SEM1: variants seen among roughly 807,000 people sequenced by gnomAD.
SEM1 encodes the protein SEM1 26S proteasome subunit.
Under a neutral mutation model 12.7 loss-of-function variants are expected in SEM1, and 3 were observed. The ratio of observed to expected loss-of-function variants is 0.24; its 90% confidence interval spans 0.11 to 0.61. The LOEUF (loss-of-function observed/expected upper bound fraction) is 0.61. Among genes scored for constraint, SEM1 ranks in the 20% least tolerant of loss-of-function variants. The pLI, the probability that SEM1 is intolerant of heterozygous loss-of-function variation, is 0.88. For synonymous variants in SEM1, 30 were observed against 27.8 expected, an observed-to-expected ratio of 1.08 and a Z score of -0.25; for missense variants, 59 against 81.3, an observed-to-expected ratio of 0.73 and a Z score of 1.06.
chr7:96,487,625 T>G (rs1333434093), intron 1 of SEM1, among the ~76,000 whole-genome samples: 1 of 149,890 alleles, frequency 6.7e-6, no homozygotes, highest in Non-Finnish European at 1.5e-5. Flanking sequence ...CATTTGACAG[T>G]AAAGGAACTA....
At chr7:96,571,568 A>G (rs768390253) in intron 2 of SEM1, among the ~76,000 whole-genome samples, 1 of 150,804 alleles carries the variant, frequency 6.6e-6, no homozygotes, top group Non-Finnish European at 1.5e-5. Context: ...ATATATATGT[A>G]TATATATACA....
intron 1 of SEM1, 134 bp from the exon 2 acceptor site, chr7:96,695,025 T>C (rs1183170536): frequency 3.3e-6 from 2 of 597,806 alleles, no homozygotes; most frequent in Non-Finnish European, 5.8e-6. Flanking sequence ...AAATGGTATC[T>C]TCCTTAAATC....
At chr7:96,573,240 A>G (rs1406732515) in intron 2 of SEM1, among the ~76,000 whole-genome samples, 2 of 151,682 alleles carry the variant, frequency 1.3e-5, no homozygotes, top group Admixed American at 6.6e-5. Flanking sequence ...ACTCTATCCC[A>G]TTTGCCAGTC....
At chr7:96,584,068 G>A (rs1288155924) in intron 2 of SEM1, among the ~76,000 whole-genome samples, 2 of 152,050 alleles carry the variant, frequency 1.3e-5, no homozygotes, top group African/African-American at 4.8e-5. Flanking sequence ...AGTCTCGATG[G>A]CCTTTACATT....
chr7:96,580,392 C>T (rs1806354723), intron 2 of SEM1, among the ~76,000 whole-genome samples: 7 of 150,530 alleles, frequency 4.7e-5, no homozygotes. Flanking sequence ...GGGTTGGTTC[C>T]AAGTCTTTGC....
At chr7:96,611,085 C>T (rs1563082342) in intron 2 of SEM1, among the ~76,000 whole-genome samples, 2 of 152,142 alleles carry the variant, frequency 1.3e-5, no homozygotes, top group Non-Finnish European at 1.5e-5. Flanking sequence ...AGCTTTGTTA[C>T]AAACCATCAT....
chr7:96,622,656 G>C (rs1280673006), intron 2 of SEM1: 2 of 763,884 alleles, frequency 2.6e-6, no homozygotes, highest in East Asian at 4.9e-5. Context: ...GGAAAAATTA[G>C]AAAGTAGGTG....
chr7:96,654,817 A>G (rs1809125913), intron 2 of SEM1, among the ~76,000 whole-genome samples: 1 of 152,164 alleles, frequency 6.6e-6, no homozygotes, highest in African/African-American at 2.4e-5. Flanking sequence ...CCGCCAACTC[A>G]AGGCTCATGA....
intron 2 of SEM1, among the ~76,000 whole-genome samples, chr7:96,662,235 C>A (rs1207309926): frequency 1.3e-5 from 2 of 152,152 alleles, no homozygotes; most frequent in African/African-American, 4.8e-5. Context: ...ATGTTCACTG[C>A]AGCACTATTT....
At chr7:96,627,278 T>C (rs1428997801) in intron 2 of SEM1, among the ~76,000 whole-genome samples, 1 of 152,022 alleles carries the variant, frequency 6.6e-6, no homozygotes, top group Non-Finnish European at 1.5e-5. Context: ...CTCTGATCTT[T>C]ATTATTCCTT....
chr7:96,572,675 A>C (rs190101302), intron 2 of SEM1, among the ~76,000 whole-genome samples: 1 of 152,060 alleles, frequency 6.6e-6, no homozygotes, highest in East Asian at 1.9e-4. Flanking sequence ...ATTATTTTGC[A>C]TTTGCTGAGA....
downstream of SEM1, among the ~76,000 whole-genome samples, chr7:96,685,180 G>C (rs1563112247): frequency 6.6e-6 from 1 of 152,066 alleles, no homozygotes; most frequent in Non-Finnish European, 1.5e-5. Context: ...TTTCAAAAGG[G>C]ACTTGGCTCA....
At chr7:96,675,341 C>T (rs879756736) in intron 2 of SEM1, among the ~76,000 whole-genome samples, 2 of 152,084 alleles carry the variant, frequency 1.3e-5, no homozygotes, top group African/African-American at 2.4e-5. Context: ...CCATCAGTTT[C>T]GCCGTCACTT....
At chr7:96,584,457 C>A (rs983728212) in intron 2 of SEM1, among the ~76,000 whole-genome samples, 14 of 152,032 alleles carry the variant, frequency 9.2e-5, no homozygotes, top group African/African-American at 3.4e-4. Context: ...TGGAGTTGCT[C>A]TTCTCGAGGA....
intron 1 of SEM1, among the ~76,000 whole-genome samples, chr7:96,487,296 T>G (rs929476794): frequency 1.3e-5 from 2 of 150,056 alleles, no homozygotes; most frequent in Non-Finnish European, 2.9e-5. Context: ...TAAATATTAG[T>G]AACAATGCCA....
chr7:96,545,430 C>A (rs996624823), intron 2 of SEM1, among the ~76,000 whole-genome samples: 1 of 151,794 alleles, frequency 6.6e-6, no homozygotes, highest in African/African-American at 2.4e-5. Flanking sequence ...TAAAACTCAA[C>A]AACTTGCTAA....
At chr7:96,567,145 T>C (rs1324675505) in intron 2 of SEM1, among the ~76,000 whole-genome samples, 1 of 151,650 alleles carries the variant, frequency 6.6e-6, no homozygotes, top group Non-Finnish European at 1.5e-5. Context: ...AATTAATGTA[T>C]AGGTAAATAC....
chr7:96,541,509 G>A (rs767980768), intron 2 of SEM1, among the ~76,000 whole-genome samples: 2 of 146,500 alleles, frequency 1.4e-5, no homozygotes, highest in Non-Finnish European at 3.0e-5. Context: ...ACCTTTGTTG[G>A]ATGTATTATT....
At chr7:96,629,068 C>T (rs548638020) in intron 2 of SEM1, among the ~76,000 whole-genome samples, 22 of 152,200 alleles carry the variant, frequency 1.4e-4, no homozygotes, top group African/African-American at 5.1e-4. Flanking sequence ...CTATTAGGGT[C>T]CTTTCTTTAT....
Sources: allele counts gnomAD v4.1 joint callset (sites outside exome capture counted in the v4.1 genomes callset), GRCh38; gene constraint gnomAD v4.1.1; transcripts MANE v1.5; gene names NCBI Gene and HGNC (gene_info 2026-07-23, HGNC 2026-07-21).